AGT: variants seen among roughly 807,000 people sequenced by gnomAD.
AGT encodes the protein angiotensinogen, also known as alpha-1 antiproteinase, antitrypsin.
In AGT, 26 loss-of-function variants were observed where a neutral mutation model predicts 28.1. The observed-to-expected ratio is 0.92, with a 90% CI of 0.68 to 1.28. The LOEUF is 1.28. Ranked by LOEUF, AGT falls within the 50% of genes most tolerant of loss-of-function variation. AGT has a pLI of 0.00. For synonymous variants in AGT, 259 were observed against 259.6 expected, an observed-to-expected ratio of 1.00 and a Z score of 0.02; for missense variants, 596 against 592.3, an observed-to-expected ratio of 1.01 and a Z score of -0.06.
intron 1 of AGT, among the ~76,000 whole-genome samples, chr1:230,711,816 T>C (rs1325480725): frequency 7.3e-6 from 1 of 136,278 alleles, no homozygotes; most frequent in Non-Finnish European, 1.7e-5. Flanking sequence ...GGACCACGTA[T>C]AAAAAAAAAA....
chr1:230,719,382 T>TA (rs1277864637), upstream of AGT, among the ~76,000 whole-genome samples: 28 of 136,098 alleles, frequency 2.1e-4, no homozygotes, highest in South Asian at 4.8e-4. Flanking sequence ...TCTTTCTATT[T>TA]TTTATTATTA....
intron 2 of AGT, among the ~76,000 whole-genome samples, chr1:230,709,490 C>T (rs1663507436): frequency 6.6e-6 from 1 of 151,956 alleles, no homozygotes; most frequent in Non-Finnish European, 1.5e-5. Context: ...TCAGTAATGC[C>T]CCTCCTAACA....
At position 230,704,096 on chromosome 1, in the gene AGT, C is replaced by T. The variant is rs61751069; in HGVS notation, c.1242+97G>A. On this transcript the variant is annotated intron_variant, in intron 4 of 4. Transcript: ENST00000366667. ...TCTCCGCTCCCTCTTGCCCTGCTGG[C>T]CCCACCCATAGCCTCCTCTGTGTCC... is the stretch of plus-strand genomic sequence containing the variant. 2.5e-4 allele frequency: 395 copies of T among 1,587,144 alleles called. 1 individual carries two copies. The African/African-American group carries it at 4.4e-3, about 18-fold the overall frequency.
At position 230,703,082 on chromosome 1, in the gene AGT, TTTGCCTCAAAGGCCAGGGGCAGAGGCC is replaced by T; in HGVS notation, c.*32_*58del. On this transcript the variant is annotated 3_prime_UTR_variant, in exon 5 of 5. Transcript: ENST00000366667. ...CCGGGGTTGTTATCTGCTGCTGGCC[TTTGCCTCAAAGGCCAGGGGCAGAGGCC>T]TTGCCAGGCACTGTGTTCTGGGGCC... 6.3e-7 allele frequency: 1 copy of T among 1,582,400 alleles called. No homozygotes were observed. Among genetic ancestry groups the T allele is most frequent in the Non-Finnish European group, 8.7e-7 (1 of 1,154,862 alleles).
intron 2 of AGT, among the ~76,000 whole-genome samples, chr1:230,707,974 C>T (rs1663443707): frequency 6.6e-6 from 1 of 152,192 alleles, no homozygotes; most frequent in Non-Finnish European, 1.5e-5. Flanking sequence ...TCCTCAGGTC[C>T]TCTCTAGTGG....
At chr1:230,745,087 C>T (rs1664324040) in intron 1 of AGT, among the ~76,000 whole-genome samples, 1 of 152,294 alleles carries the variant, frequency 6.6e-6, no homozygotes, top group South Asian at 2.1e-4. Context: ...TTGGACTGGC[C>T]AGAACTGCAC....
chr1:230,723,952 G>C lies in AGT; in HGVS notation c.-30-13099C>G, dbSNP rs544829605. Among the ~76,000 whole-genome samples the C allele has an allele frequency of 2.9e-4, 44 of 152,268 alleles. 1 individual carries two copies. In the South Asian group the frequency reaches 8.9e-3, roughly 31 times the overall value. On this transcript the variant is annotated intron_variant, in intron 1 of 4. Coordinates refer to the AGT transcript ENST00000681269. ...TACATTCCAGGAGCTCTCTATTTATGGTAGTTCATGGTCAACCTGGCAACT... is the reference window on the plus strand; with the variant it reads ...TACATTCCAGGAGCTCTCTATTTATCGTAGTTCATGGTCAACCTGGCAACT...
intron 2 of AGT, among the ~76,000 whole-genome samples, chr1:230,706,851 C>T (rs1040279427): frequency 3.3e-5 from 5 of 152,160 alleles, no homozygotes; most frequent in Admixed American, 1.3e-4. Context: ...TGGCCACCAC[C>T]GCACTATCCC....
intron 1 of AGT, among the ~76,000 whole-genome samples, chr1:230,727,726 G>A (rs141295068): frequency 3.5e-4 from 54 of 152,272 alleles, no homozygotes; most frequent in African/African-American, 1.3e-3. Context: ...TCTTTTATGA[G>A]TAATTATTGA....
At chr1:230,717,210 G>C (rs1234049119), upstream of AGT, among the ~76,000 whole-genome samples, 5 of 151,582 alleles carry the variant, frequency 3.3e-5, no homozygotes, top group African/African-American at 1.2e-4. Flanking sequence ...AGTCTCTTAT[G>C]TCTTCCCTTT....
At chr1:230,727,601 C>T (rs565978091) in intron 1 of AGT, among the ~76,000 whole-genome samples, 1 of 152,134 alleles carries the variant, frequency 6.6e-6, no homozygotes, top group Non-Finnish European at 1.5e-5. Context: ...CAGAAGAAAT[C>T]AAGACCCTAA....
At chr1:230,740,399 G>A (rs1210668177) in intron 1 of AGT, among the ~76,000 whole-genome samples, 1 of 152,162 alleles carries the variant, frequency 6.6e-6, no homozygotes, top group Admixed American at 6.5e-5. Flanking sequence ...TGGGAAAGCA[G>A]CCAGGAGGTC....
chr1:230,716,041 A>G (rs1047127815), upstream of AGT, among the ~76,000 whole-genome samples: 7 of 152,202 alleles, frequency 4.6e-5, no homozygotes, highest in Non-Finnish European at 7.3e-5. Flanking sequence ...GTTACTGGGG[A>G]GAACATAAGA....
Position 230,704,246 on chromosome 1 carries a change from G to A in AGT, c.1189C>T (p.His397Tyr), listed in dbSNP as rs750102617. Reference sequence around the variant, plus strand: ...AATTTTTGCAGGTTCAGCTCGGTGTGCAGAATGGCGGGCAGCTCAGCCTGG... The same window carrying A: ...AATTTTTGCAGGTTCAGCTCGGTGTACAGAATGGCGGGCAGCTCAGCCTGG... ...LAQAELPAIL[H>Y]TELNLQKLSN... is the part of the protein sequence containing the mutation. The change falls in exon 4 of 5, where the codon CAC becomes TAC. Residue 397 changes from histidine to tyrosine, a missense_variant. Coordinates refer to ENST00000366667, the MANE Select transcript of AGT (RefSeq NM_001384479.1). 1.9e-6 allele frequency: 3 copies of A among 1,614,236 alleles called. No homozygotes were observed. The highest frequency in any genetic ancestry group is 1.1e-5 in the South Asian group (1 of 91,088).
At chr1:230,721,800 T>A (rs559615531) in intron 1 of AGT, among the ~76,000 whole-genome samples, 1 of 152,210 alleles carries the variant, frequency 6.6e-6, no homozygotes, top group Non-Finnish European at 1.5e-5. Context: ...AGAGAAATGA[T>A]CTGAAATAGG....
chr1:230,731,164 G>A (rs901361155), intron 1 of AGT, among the ~76,000 whole-genome samples: 3 of 152,160 alleles, frequency 2.0e-5, no homozygotes, highest in Non-Finnish European at 4.4e-5. Context: ...AAGGTCACTT[G>A]TGTCTGAGGC....
At chr1:230,730,747 G>T (rs896882013) in intron 1 of AGT, among the ~76,000 whole-genome samples, 2 of 152,098 alleles carry the variant, frequency 1.3e-5, no homozygotes, top group African/African-American at 4.8e-5. Context: ...AGGATTTCTG[G>T]GTTGGGAGAT....
intron 1 of AGT, among the ~76,000 whole-genome samples, chr1:230,739,414 C>T (rs1664206226): frequency 6.6e-6 from 1 of 151,970 alleles, no homozygotes; most frequent in African/African-American, 2.4e-5. Flanking sequence ...TAAGAGTCAC[C>T]TTGTCCACCA....
At chr1:230,704,517 T>C (rs1465826491) in intron 3 of AGT, among the ~76,000 whole-genome samples, 180 bp from the exon 4 acceptor site, 1 of 152,236 alleles carries the variant, frequency 6.6e-6, no homozygotes, top group Non-Finnish European at 1.5e-5. Context: ...ACAATAAAAA[T>C]CCTTCATGTC....
Sources: allele counts gnomAD v4.1 joint callset (sites outside exome capture counted in the v4.1 genomes callset), GRCh38; gene constraint gnomAD v4.1.1; transcripts MANE v1.5; gene names NCBI Gene and HGNC (gene_info 2026-07-23, HGNC 2026-07-21).